Variants in ZAN observed in about 807,000 individuals in gnomAD.
ZAN encodes zonadhesin.
A neutral mutation model predicts 286.2 loss-of-function variants in ZAN; 260 were observed. The ratio of observed to expected loss-of-function variants is 0.91; its 90% CI spans 0.82 to 1.01. The LOEUF is 1.01. ZAN is among the 50% of genes least tolerant of loss of function. ZAN has a pLI of 0.00. For synonymous variants in ZAN, 1,368 were observed against 1,417.5 expected (o/e 0.97, Z 0.79); for missense variants, 3,410 against 3,639.2 (o/e 0.94, Z 1.62).
intron 20 of ZAN, among the ~76,000 whole-genome samples, 177 bp downstream of exon 20, chr7:100,762,535 C>T (rs1423257172): frequency 6.7e-6 from 1 of 149,144 alleles, no homozygotes; most frequent in Non-Finnish European, 1.5e-5. Context: ...AAGCAATTAT[C>T]CTGCCTCAGT....
chr7:100,785,501 G>A (rs1473967444), intron 36 of ZAN, among the ~76,000 whole-genome samples: 1 of 152,044 alleles, frequency 6.6e-6, no homozygotes, highest in African/African-American at 2.4e-5. Context: ...AAAGTACTAA[G>A]ATTACAGGTG....
intron 39 of ZAN, 63 bp from the exon 40 acceptor site, chr7:100,790,878 CT>C (rs1811894007): frequency 8.9e-7 from 1 of 1,122,998 alleles, no homozygotes. Flanking sequence ...GCAAGACTGT[CT>C]AAAAAAAAAA....
At position 100,766,779 on chromosome 7, in the gene ZAN, G is replaced by T. The variant is rs1039357182; in HGVS notation, c.4612+113G>T. Reference sequence around the variant, plus strand: ...ACAGCTGAGTCTCCACCAGGGCCTGGGAGGGGCAGCAGGGGCAGCATTTTC... The same window carrying T: ...ACAGCTGAGTCTCCACCAGGGCCTGTGAGGGGCAGCAGGGGCAGCATTTTC... On this transcript the variant is annotated intron_variant, in intron 24 of 47. Transcript: ENST00000613979. 4 of 1,457,976 alleles carry T rather than the reference G, an allele frequency of 2.7e-6. No homozygotes were observed. The African/African-American group carries it at 5.7e-5, about 21-fold the overall frequency. 90.3% of individuals were successfully genotyped at this position (1,457,976 alleles called of 1,614,324 possible). A position where few individuals can be genotyped will look rare whatever the true frequency, so the allele number is the denominator to read the frequency against.
At chr7:100,794,368 T>C in intron 44 of ZAN, 110 bp downstream of exon 44, 1 of 1,480,572 alleles carries the variant, frequency 6.8e-7, no homozygotes, top group South Asian at 1.4e-5. Context: ...GATTTCAGGA[T>C]GTCTGTCCCT....
intron 14 of ZAN, 138 bp from the exon 15 acceptor site, chr7:100,755,088 C>G (rs1809046231): frequency 3.9e-6 from 4 of 1,020,462 alleles, no homozygotes; most frequent in Non-Finnish European, 5.7e-6. Context: ...CCGCACCCAG[C>G]CTTCAGGCCT....
At position 100,797,409 on chromosome 7, in the gene ZAN, G is replaced by C. The variant is rs1562962666; in HGVS notation, c.8310G>C (p.Val2770=). 6.2e-7 allele frequency: 1 copy of C among 1,613,898 alleles called. No homozygotes were observed. Among genetic ancestry groups the C allele is most frequent in the East Asian group, 2.2e-5 (1 of 44,880 alleles). Reference sequence around the variant, plus strand: ...TCCTACTGGGACTGCTGGTGCCTGTGGTGGTCGTACTACTGGCCGTGACCA... The same window carrying C: ...TCCTACTGGGACTGCTGGTGCCTGTCGTGGTCGTACTACTGGCCGTGACCA... The part of the protein sequence containing the change: ...VGVLLGLLVP[V]VVVLLAVTRE... The change falls in exon 46 of 48, where the codon GTG becomes GTC. Residue 2770 remains valine, a synonymous_variant. Coordinates refer to ENST00000613979, the MANE Select transcript of ZAN (RefSeq NM_003386.3).
intron 19 of ZAN, among the ~76,000 whole-genome samples, chr7:100,761,430 A>G (rs1809572765): frequency 6.6e-6 from 1 of 152,074 alleles, no homozygotes; most frequent in South Asian, 2.1e-4. Context: ...ACTTGAGGCC[A>G]GGAGTTCCAG....
At chr7:100,755,917 G>A (rs1282773429) in intron 15 of ZAN, among the ~76,000 whole-genome samples, 1 of 151,916 alleles carries the variant, frequency 6.6e-6, no homozygotes, top group African/African-American at 2.4e-5. Flanking sequence ...TTGAGGCAGA[G>A]TCTAGCTCTG....
chr7:100,782,249 T>C (rs1477640653), intron 35 of ZAN, among the ~76,000 whole-genome samples: 2 of 152,054 alleles, frequency 1.3e-5, no homozygotes, highest in Non-Finnish European at 2.9e-5. Context: ...TATATTAATC[T>C]TGTTTTATGT....
At position 100,739,427 on chromosome 7, in the gene ZAN, C is replaced by CG. The variant is rs544899018; in HGVS notation, c.766+821dup. On this transcript the variant is annotated intron_variant, in intron 7 of 47. Coordinates refer to ENST00000613979, the MANE Select transcript of ZAN (RefSeq NM_003386.3). ...GACAAGGAAGAGTAGGGTGTGGTAGCGGGGGGGCAGTTACCGACACAAAGT... is the reference window on the plus strand; with the variant it reads ...GACAAGGAAGAGTAGGGTGTGGTAGCGGGGGGGGCAGTTACCGACACAAAGT... Among the ~76,000 whole-genome samples the CG allele has an allele frequency of 1.8e-3, 244 of 137,812 alleles. 44 individuals are homozygous for CG. Among genetic ancestry groups the CG allele is most frequent in the East Asian group, 3.2e-3 (15 of 4,712 alleles). The allele number at this position is 137,812 out of a possible 152,430, so 90.4% of individuals were successfully genotyped here. A position where few individuals can be genotyped will look rare whatever the true frequency, so the allele number is the denominator to read the frequency against.
intron 8 of ZAN, 89 bp downstream of exon 8, chr7:100,746,791 G>A: frequency 5.6e-6 from 8 of 1,437,338 alleles, no homozygotes; most frequent in Non-Finnish European, 5.8e-6. Flanking sequence ...ATCCCTCAGG[G>A]TCTAGGGAGG....
At chr7:100,795,372 C>T (rs1812295642) in intron 45 of ZAN, 36 bp downstream of exon 45, 4 of 1,481,346 alleles carry the variant, frequency 2.7e-6, no homozygotes, top group East Asian at 2.5e-5. Context: ...ACCCTCACAA[C>T]CTCTTCCTGG....
Position 100,759,728 on chromosome 7 carries a change from C to CA in ZAN, c.3579_3580insA (p.Phe1194IlefsTer8), listed in dbSNP as rs1415429344. The CA allele has an allele frequency of 1.9e-6, 3 of 1,587,290 alleles. No homozygotes were observed. In the African/African-American group the frequency reaches 4.0e-5, roughly 21 times the overall value. ...ATTCCTCTCCCTACCCAGACCCATT[C>CA]TTCAGGGTGACAGCCAAGAATGAGG... On this transcript the variant is annotated frameshift_variant, in exon 18 of 48. Transcript: ENST00000613979. LOFTEE classifies it high-confidence loss of function.
At chr7:100,796,417 TCTG>T (rs1277181199) in intron 45 of ZAN, among the ~76,000 whole-genome samples, 2 of 146,548 alleles carry the variant, frequency 1.4e-5, no homozygotes, top group African/African-American at 2.5e-5. Context: ...GGCCCAGGAA[TCTG>T]CTTTTTTTTT....
At chr7:100,791,197 G>A in intron 40 of ZAN, 84 bp downstream of exon 40, 1 of 1,500,716 alleles carries the variant, frequency 6.7e-7, no homozygotes, top group Non-Finnish European at 8.9e-7. Context: ...GTCCTCAGGA[G>A]AGGATGAAAC....
At position 100,747,499 on chromosome 7, in the gene ZAN, G is replaced by T. The variant is rs374309162; in HGVS notation, c.932-51G>T. 64 of 1,546,560 alleles carry T rather than the reference G, an allele frequency of 4.1e-5. 1 individual carries two copies. Among genetic ancestry groups the T allele is most frequent in the Non-Finnish European group, 5.3e-5 (59 of 1,118,768 alleles). On this transcript the variant is annotated intron_variant, in intron 8 of 47. Coordinates refer to ENST00000613979, the MANE Select transcript of ZAN (RefSeq NM_003386.3). ...ATCCTCCTAGGTATAGTTCAAAGTC[G>T]TTTCCCAGTCCCCTTAAGCTCACTT...
Position 100,787,823 on chromosome 7 carries a change from A to G in ZAN, c.6980-66A>G, listed in dbSNP as rs193271185. 534 of 1,380,240 alleles carry G rather than the reference A, an allele frequency of 3.9e-4. 1 individual carries two copies. In the African/African-American group the frequency reaches 7.2e-3, roughly 19 times the overall value. 85.5% of individuals were successfully genotyped at this position (1,380,240 alleles called of 1,614,324 possible). On this transcript the variant is annotated intron_variant, in intron 37 of 47. Transcript: ENST00000613979. Reference sequence around the variant, plus strand: ...GTCATCCACCCGCCTTGGCCTCCCAAAGTCCTGGGATTACAGGCGTGAGCC... The same window carrying G: ...GTCATCCACCCGCCTTGGCCTCCCAGAGTCCTGGGATTACAGGCGTGAGCC...
chr7:100,795,285 G>T lies in ZAN; in HGVS notation c.8215G>T (p.Gly2739Trp). ...CACCTGCGAGTGTGAAGTTGGTTAC[G>T]GGGGAGGCCTGTGTATGGAGCCTCG... ...TFTCECEVGY[G>W]GGLCMEPRDA... Residue 2739 changes from glycine (G) to tryptophan (W), a missense_variant, in exon 45 of 48, where the codon GGG becomes TGG. Physicochemically the swap from Gly to Trp is radical, Grantham distance 184 (BLOSUM62 -2). Around this residue, in one of 7 missense-constraint regions of ZAN, gnomAD observed 1,289 missense variants for 1,314.3 expected, o/e 0.98. Transcript: ENST00000613979. 1.2e-6 allele frequency: 2 copies of T among 1,611,160 alleles called. No homozygotes were observed. The highest frequency in any genetic ancestry group is 1.7e-5 in the Admixed American group (1 of 59,710).
chr7:100,785,718 G>A (rs3888105), intron 36 of ZAN, among the ~76,000 whole-genome samples: 9,435 of 151,214 alleles, frequency 0.062, 909 homozygotes, highest in African/African-American at 0.21. Flanking sequence ...GAATGCAGTG[G>A]TGCGATCTTG....
Sources: gnomAD v4.1 joint callset for allele counts (sites outside exome capture counted in the v4.1 genomes callset) on GRCh38, gnomAD v4.1.1 for gene constraint, gnomAD v4.1.1 regional missense constraint, MANE v1.5 for transcripts, NCBI Gene and HGNC (gene_info 2026-07-23, HGNC 2026-07-21) for gene names.